IGFBP5: variants seen among roughly 807,000 people sequenced by gnomAD.
IGFBP5 encodes the protein insulin like growth factor binding protein 5.
Under a neutral mutation model 28.0 loss-of-function variants are expected in IGFBP5, and 12 were observed. The ratio of observed to expected loss-of-function variants is 0.43; its 90% CI spans 0.27 to 0.69. The LOEUF (loss-of-function observed/expected upper bound fraction) is 0.69. IGFBP5 is among the 30% of genes least tolerant of loss of function. The pLI is 0.20. For synonymous variants in IGFBP5, 152 were observed against 150.2 expected (o/e 1.01, Z -0.09); for missense variants, 344 against 381.6 (o/e 0.90, Z 0.82).
Position 216,672,996 on chromosome 2 carries a change from C to G in IGFBP5, c.*3755G>C, listed in dbSNP as rs1688852495. ...CCCTCCTCCACTTTGCAAAACGGAG[C>G]CTCCTTTCTCTTGGAAGCCAGACAT... On this transcript the variant is annotated 3_prime_UTR_variant, in exon 4 of 4. Coordinates refer to ENST00000233813, the MANE Select transcript of IGFBP5 (RefSeq NM_000599.4). The G allele has an allele frequency of 6.5e-6, 1 of 152,714 alleles. No individual in the cohort carries two copies. Among genetic ancestry groups the G allele is most frequent in the Non-Finnish European group, 1.5e-5 (1 of 68,092 alleles). 9.5% of individuals were successfully genotyped at this position (152,714 alleles called of 1,614,324 possible).
intron 2 of IGFBP5, among the ~76,000 whole-genome samples, 197 bp from the exon 3 acceptor site, chr2:216,678,428 G>A (rs983732019): frequency 1.3e-5 from 2 of 152,198 alleles, no homozygotes; most frequent in African/African-American, 4.8e-5. Context: ...GCCTGCCTTT[G>A]GCCAGGTACG....
chr2:216,681,289 G>C (rs1446471525), intron 1 of IGFBP5, among the ~76,000 whole-genome samples: 3 of 152,188 alleles, frequency 2.0e-5, no homozygotes, highest in African/African-American at 2.4e-5. Flanking sequence ...CTACTGTAGG[G>C]GGAGGGGCAG....
rs34158337 is a variant in IGFBP5 at position 216,679,842 on chromosome 2, A to G, written c.338-763T>C. ...GGCCTGGGAGGCTGGGACGTTACTC[A>G]GCTCTGGACTGAGAGAGGCCGACAG... On this transcript the variant is annotated intron_variant, in intron 1 of 3. Transcript: ENST00000233813. The surrounding 1 kb of genome is among the most constrained non-coding windows in gnomAD (Gnocchi z 4.6). Among the ~76,000 whole-genome samples the G allele has an allele frequency of 2.1e-3, 319 of 152,302 alleles. No individual in the cohort carries two copies. Among genetic ancestry groups the G allele is most frequent in the Non-Finnish European group, 3.2e-3 (219 of 68,014 alleles).
chr2:216,695,025 G>A lies in IGFBP5; in HGVS notation c.-250C>T, dbSNP rs34384435. 5 of 358,992 alleles carry A rather than the reference G, an allele frequency of 1.4e-5. No individual in the cohort carries two copies. The highest frequency in any genetic ancestry group is 2.5e-5 in the Non-Finnish European group (5 of 201,114). 22.2% of individuals were successfully genotyped at this position (358,992 alleles called of 1,614,324 possible). On this transcript the variant is annotated 5_prime_UTR_variant, in exon 1 of 4. Coordinates refer to ENST00000233813, the MANE Select transcript of IGFBP5 (RefSeq NM_000599.4). ...AACAGGTTGGGGGAAGCAGGGCAGC[G>A]CCAGGTGCACGCAGTGAGCGGAGGC...
chr2:216,695,130 C>T lies in IGFBP5; in HGVS notation c.-355G>A, dbSNP rs1260218717. On this transcript the variant is annotated 5_prime_UTR_variant, in exon 1 of 4. Transcript: ENST00000233813. Reference sequence around the variant, plus strand: ...AAATTGTTCACCCCCAAGCAACCACCGAAATAATGAGATCGGATGCAGTGG... The same window carrying T: ...AAATTGTTCACCCCCAAGCAACCACTGAAATAATGAGATCGGATGCAGTGG... The T allele has an allele frequency of 5.1e-6, 1 of 195,966 alleles. No individual in the cohort carries two copies. The highest frequency in any genetic ancestry group is 1.0e-5 in the Non-Finnish European group (1 of 97,450). 12.1% of individuals were successfully genotyped at this position (195,966 alleles called of 1,614,324 possible).
chr2:216,694,368 C>T lies in IGFBP5; in HGVS notation c.337+71G>A. Reference sequence around the variant, plus strand: ...TCGAAGCCACTTGCTGCGCAAAGCGCGCGGGCCCAGCCGGTCTCGTGTCCC... The same window carrying T: ...TCGAAGCCACTTGCTGCGCAAAGCGTGCGGGCCCAGCCGGTCTCGTGTCCC... On this transcript the variant is annotated intron_variant, in intron 1 of 3. Transcript: ENST00000233813. This position sits in a 1 kb window ranked among gnomAD's most constrained non-coding sequence, Gnocchi z 5.2. The T allele has an allele frequency of 7.4e-7, 1 of 1,345,024 alleles. No individual in the cohort carries two copies. The highest frequency in any genetic ancestry group is 9.8e-7 in the Non-Finnish European group (1 of 1,024,540). 83.3% of individuals were successfully genotyped at this position (1,345,024 alleles called of 1,614,324 possible). A position where few individuals can be genotyped will look rare whatever the true frequency, so the allele number is the denominator to read the frequency against.
At chr2:216,678,786 T>G in intron 2 of IGFBP5, 64 bp downstream of exon 2, 2 of 1,350,330 alleles carry the variant, frequency 1.5e-6, no homozygotes, top group Non-Finnish European at 1.0e-6. Context: ...CCGCCATGAA[T>G]GTCCATTTAG....
In IGFBP5 at chr2:216,673,695, C is replaced by T. The variant is rs896734516; in HGVS notation, c.*3056G>A. The T allele has an allele frequency of 6.6e-6, 1 of 152,342 alleles. No individual in the cohort carries two copies. The highest frequency in any genetic ancestry group is 2.4e-5 in the African/African-American group (1 of 41,450). 9.4% of individuals were successfully genotyped at this position (152,342 alleles called of 1,614,324 possible). On this transcript the variant is annotated 3_prime_UTR_variant, in exon 4 of 4. Coordinates refer to ENST00000233813, the MANE Select transcript of IGFBP5 (RefSeq NM_000599.4). The surrounding 1 kb of genome is among the most constrained non-coding windows in gnomAD (Gnocchi z 4.3). ...CCAGCCTGGAGTCAAAGAGACCAGA[C>T]CCCTGCTTAGATTGCCATACTCGCA...
In IGFBP5 at chr2:216,692,236, AG is replaced by A. The variant is rs1208697149; in HGVS notation, c.337+2202del. Among the ~76,000 whole-genome samples, 1 of 152,016 alleles carries A rather than the reference AG, an allele frequency of 6.6e-6. No homozygotes were observed. The highest frequency in any genetic ancestry group is 1.5e-5 in the Non-Finnish European group (1 of 67,992). ...TGCCTTCGGCGGGGTGGAGTCGGAG[AG>A]GAGTGCTGGGGAGGGGGCGGGTAGA... is the stretch of plus-strand genomic sequence containing the variant. On this transcript the variant is annotated intron_variant, in intron 1 of 3. Coordinates refer to ENST00000233813, the MANE Select transcript of IGFBP5 (RefSeq NM_000599.4). This position sits in a 1 kb window ranked among gnomAD's most constrained non-coding sequence, Gnocchi z 4.2.
intron 1 of IGFBP5, among the ~76,000 whole-genome samples, chr2:216,684,765 G>A (rs957659598): frequency 1.3e-5 from 2 of 152,208 alleles, no homozygotes; most frequent in African/African-American, 4.8e-5. Flanking sequence ...ATCTGCCCAA[G>A]AGGCAAAGAG....
chr2:216,694,661 G>C lies in IGFBP5; in HGVS notation c.115C>G (p.Pro39Ala), dbSNP rs779879411. The stretch of plus-strand genomic sequence containing the variant: ...AGCTCGCAGCCCAGGGGGCTGGGGG[G>C]GCACATGGAGAGGGCTTTCTCGTCG... ...PCDEKALSMCPPSPLGCELVK... is the reference protein window; with the variant it reads ...PCDEKALSMCAPSPLGCELVK... The change falls in exon 1 of 4, where the codon CCC becomes GCC. Residue 39 changes from proline (P) to alanine (A), a missense_variant. Transcript: ENST00000233813. The surrounding 1 kb of genome is among the most constrained non-coding windows in gnomAD (Gnocchi z 5.2). 1 of 1,526,608 alleles carries C rather than the reference G, an allele frequency of 6.6e-7. No homozygotes were observed. Among genetic ancestry groups the C allele is most frequent in the Non-Finnish European group, 8.8e-7 (1 of 1,140,276 alleles). 94.6% of individuals were successfully genotyped at this position (1,526,608 alleles called of 1,614,324 possible).
rs929939788 is a variant in IGFBP5 at position 216,676,615 on chromosome 2, G to T, written c.*136C>A. On this transcript the variant is annotated 3_prime_UTR_variant, in exon 4 of 4. Transcript: ENST00000233813. ...CTTGCTAGAGATTCCGAGGTCCTCA[G>T]TTTCCTCAAATAGATAGATATATAT... is the stretch of plus-strand genomic sequence containing the variant. 2 of 566,058 alleles carry T rather than the reference G, an allele frequency of 3.5e-6. No individual in the cohort carries two copies. The highest frequency in any genetic ancestry group is 6.1e-6 in the Non-Finnish European group (2 of 328,340). The allele number at this position is 566,058 out of a possible 1,614,324, so 35.1% of individuals were successfully genotyped here.
chr2:216,691,421 G>T (rs1244561452), intron 1 of IGFBP5, among the ~76,000 whole-genome samples: 1 of 93,200 alleles, frequency 1.1e-5, no homozygotes, highest in Non-Finnish European at 2.4e-5. Flanking sequence ...ATGCCCGAAA[G>T]CAAACCCAGT....
rs188147325 is a variant in IGFBP5, at chr2:216,687,865, G to A, written c.337+6574C>T. The stretch of plus-strand genomic sequence containing the variant: ...AGAAGGGGGCGGCAGGGAGGAAGTA[G>A]GGTTTACGCTTCTCTCCTGAGGCCC... On this transcript the variant is annotated intron_variant, in intron 1 of 3. Transcript: ENST00000233813. 6.7e-4 allele frequency among the ~76,000 whole-genome samples: 102 copies of A among 152,306 alleles called. 1 individual carries two copies. Among genetic ancestry groups the A allele is most frequent in the Middle Eastern group, 3.4e-3 (1 of 294 alleles).
In IGFBP5 at chr2:216,673,041, G is replaced by A. The variant is rs1186569682; in HGVS notation, c.*3710C>T. The A allele has an allele frequency of 6.6e-6, 1 of 152,634 alleles. No homozygotes were observed. The highest frequency in any genetic ancestry group is 2.4e-5 in the African/African-American group (1 of 41,468). The allele number at this position is 152,634 out of a possible 1,614,324, so 9.5% of individuals were successfully genotyped here. On this transcript the variant is annotated 3_prime_UTR_variant, in exon 4 of 4. Transcript: ENST00000233813. This position sits in a 1 kb window ranked among gnomAD's most constrained non-coding sequence, Gnocchi z 4.3. Reference sequence around the variant, plus strand: ...AGACATATCCTCTCTGACGCTATGGGGTTTCTTCTCCTTAGAGCTCTTCTC... The same window carrying A: ...AGACATATCCTCTCTGACGCTATGGAGTTTCTTCTCCTTAGAGCTCTTCTC...
In IGFBP5 at chr2:216,679,165, G is replaced by T; in HGVS notation, c.338-86C>A. ...CAGGGCTGGGCAGTTTGGGGTGAGG[G>T]GAGTAATAAAGGCTGAAGCAGATGT... On this transcript the variant is annotated intron_variant, in intron 1 of 3. Coordinates refer to ENST00000233813, the MANE Select transcript of IGFBP5 (RefSeq NM_000599.4). This position sits in a 1 kb window ranked among gnomAD's most constrained non-coding sequence, Gnocchi z 4.6. 9.6e-7 allele frequency: 1 copy of T among 1,039,310 alleles called. No homozygotes were observed. Among genetic ancestry groups the T allele is most frequent in the Non-Finnish European group, 1.5e-6 (1 of 671,524 alleles). The allele number at this position is 1,039,310 out of a possible 1,614,324, so 64.4% of individuals were successfully genotyped here.
chr2:216,694,187 G>GGGGA lies in IGFBP5; in HGVS notation c.337+248_337+251dup, dbSNP rs1689138382. Among the ~76,000 whole-genome samples, 1 of 152,022 alleles carries GGGGA rather than the reference G, an allele frequency of 6.6e-6. No homozygotes were observed. Among genetic ancestry groups the GGGGA allele is most frequent in the African/African-American group, 2.4e-5 (1 of 41,368 alleles). ...CAGAATCAGTATTCGGACAGAGTAGGGGGAGGGGGCGGGCAACGTGTGGGT... is the reference window on the plus strand; with the variant it reads ...CAGAATCAGTATTCGGACAGAGTAGGGGGAGGGAGGGGGCGGGCAACGTGTGGGT... On this transcript the variant is annotated intron_variant, in intron 1 of 3. Transcript: ENST00000233813. This position sits in a 1 kb window ranked among gnomAD's most constrained non-coding sequence, Gnocchi z 5.2.
chr2:216,673,708 T>G lies in IGFBP5; in HGVS notation c.*3043A>C, dbSNP rs1688862691. 1 of 152,302 alleles carries G rather than the reference T, an allele frequency of 6.6e-6. No homozygotes were observed. Among genetic ancestry groups the G allele is most frequent in the East Asian group, 1.9e-4 (1 of 5,186 alleles). 9.4% of individuals were successfully genotyped at this position (152,302 alleles called of 1,614,324 possible). On this transcript the variant is annotated 3_prime_UTR_variant, in exon 4 of 4. Coordinates refer to ENST00000233813, the MANE Select transcript of IGFBP5 (RefSeq NM_000599.4). This position sits in a 1 kb window ranked among gnomAD's most constrained non-coding sequence, Gnocchi z 4.3. ...AAAGAGACCAGACCCCTGCTTAGATTGCCATACTCGCACCATTCCAAACCT... is the reference window on the plus strand; with the variant it reads ...AAAGAGACCAGACCCCTGCTTAGATGGCCATACTCGCACCATTCCAAACCT...
At chr2:216,677,028 C>G in intron 3 of IGFBP5, 146 bp from the exon 4 acceptor site, 1 of 792,284 alleles carries the variant, frequency 1.3e-6, no homozygotes, top group Non-Finnish European at 1.9e-6. Context: ...TTTCTGGTGT[C>G]CCCATTTCAC....
Sources: gnomAD v4.1 joint callset for allele counts (sites outside exome capture counted in the v4.1 genomes callset) on GRCh38, gnomAD v4.1.1 for gene constraint, Gnocchi (gnomAD v3.1) non-coding constraint, MANE v1.5 for transcripts, NCBI Gene and HGNC (gene_info 2026-07-23, HGNC 2026-07-21) for gene names.